The following ARFGEF3 variants were observed in gnomAD, a reference collection of about 807,000 sequenced individuals.
ARFGEF3 encodes brefeldin A-inhibited guanine nucleotide-exchange protein 3.
Under a neutral mutation model 221.7 loss-of-function variants are expected in ARFGEF3, and 96 were observed. The ratio of observed to expected loss-of-function variants is 0.43; its 90% CI spans 0.37 to 0.51. The LOEUF is 0.51. Ranked by LOEUF, ARFGEF3 falls within the 20% of genes least tolerant of loss-of-function variation. The probability of loss-of-function intolerance (pLI) is 0.00; values close to 1 mark genes in which losing one functional copy is unlikely to be tolerated. For missense variants in ARFGEF3, 2,410 were observed against 2,789.9 expected (o/e 0.86, Z 3.07); for synonymous variants, 1,145 against 1,126.8 (o/e 1.02, Z -0.32).
At position 138,251,605 on chromosome 6, in the gene ARFGEF3, G is replaced by A. The variant is rs146928781; in HGVS notation, c.666-2275G>A. 4.6e-5 allele frequency among the ~76,000 whole-genome samples: 7 copies of A among 152,124 alleles called. No individual in the cohort carries two copies. The East Asian group carries it at 7.8e-4, about 17-fold the overall frequency. ...GTGGCCTACAGGACCCTTCCTGATC[G>A]GGCCTCTGTCCACCTCTTGGGCTGA... On this transcript the variant is annotated intron_variant, in intron 8 of 33. Coordinates refer to ENST00000251691, the MANE Select transcript of ARFGEF3 (RefSeq NM_020340.5).
chr6:138,186,428 CT>C lies in ARFGEF3; in HGVS notation c.137+15717del, dbSNP rs532047286. ...TTCATGCACAAAATGGCTGTTGCAG[CT>C]TCAGATCTCACATCCCCATCCAGAA... On this transcript the variant is annotated intron_variant, in intron 2 of 33. Transcript: ENST00000251691. 1.7e-3 allele frequency among the ~76,000 whole-genome samples: 265 copies of C among 152,288 alleles called. 6 individuals are homozygous for C. The highest frequency in any genetic ancestry group is 0.015 in the Admixed American group (237 of 15,298).
chr6:138,273,134 G>A (rs1435966848), intron 12 of ARFGEF3, among the ~76,000 whole-genome samples: 2 of 151,946 alleles, frequency 1.3e-5, no homozygotes, highest in Admixed American at 6.6e-5. Flanking sequence ...GTGTGATCTC[G>A]CTTTGTGGTA....
chr6:138,180,878 T>C (rs1777065538), intron 2 of ARFGEF3, among the ~76,000 whole-genome samples: 1 of 152,208 alleles, frequency 6.6e-6, no homozygotes, highest in Non-Finnish European at 1.5e-5. Flanking sequence ...CGTTTAGCAG[T>C]GGAGGTTGCT....
chr6:138,207,384 T>A (rs1423406819), intron 3 of ARFGEF3, among the ~76,000 whole-genome samples: 1 of 152,206 alleles, frequency 6.6e-6, no homozygotes, highest in South Asian at 2.1e-4. Flanking sequence ...GATAGGGATT[T>A]TTTTTGTGTG....
At chr6:138,272,134 G>A (rs1365893843) in intron 12 of ARFGEF3, among the ~76,000 whole-genome samples, 1 of 108,308 alleles carries the variant, frequency 9.2e-6, no homozygotes, top group African/African-American at 4.8e-5. Context: ...TAGCATACTA[G>A]CAGATGCCAT....
intron 32 of ARFGEF3, among the ~76,000 whole-genome samples, chr6:138,331,208 T>G (rs1188130237): frequency 1.3e-5 from 2 of 152,224 alleles, no homozygotes; most frequent in Non-Finnish European, 2.9e-5. Context: ...ATAAATTTAC[T>G]TAGCACTTTT....
intron 2 of ARFGEF3, among the ~76,000 whole-genome samples, chr6:138,187,913 C>T (rs1197664643): frequency 2.6e-5 from 4 of 152,178 alleles, no homozygotes; most frequent in African/African-American, 4.8e-5. Context: ...TTAGGAACCT[C>T]TCCCAATTAT....
rs968280898 is a variant in ARFGEF3, at chr6:138,291,928, C to G, written c.3243C>G (p.Pro1081=). The G allele has an allele frequency of 6.6e-7, 1 of 1,506,108 alleles. No individual in the cohort carries two copies. Among genetic ancestry groups the G allele is most frequent in the Non-Finnish European group, 8.9e-7 (1 of 1,126,066 alleles). 93.3% of individuals were successfully genotyped at this position (1,506,108 alleles called of 1,614,324 possible). Reference sequence around the variant, plus strand: ...TGAGCACGGCCCCTGTCGTCCAGCCCCTGTCCATCCAGGACCTCGTCCGGG... The same window carrying G: ...TGAGCACGGCCCCTGTCGTCCAGCCGCTGTCCATCCAGGACCTCGTCCGGG... ...RSLSTAPVVQ[P]LSIQDLVREG... Residue 1081 remains proline, a synonymous_variant, in exon 19 of 34, where the codon CCC becomes CCG. Coordinates refer to ENST00000251691, the MANE Select transcript of ARFGEF3 (RefSeq NM_020340.5). The surrounding 1 kb of genome is among the most constrained non-coding windows in gnomAD (Gnocchi z 4.5).
chr6:138,220,997 G>A (rs1777973566), intron 4 of ARFGEF3, among the ~76,000 whole-genome samples: 2 of 152,212 alleles, frequency 1.3e-5, no homozygotes, highest in Admixed American at 1.3e-4. Context: ...AGTTCAGGCT[G>A]GGCTCGGCTG....
rs116707872 is a variant in ARFGEF3 at position 138,283,973 on chromosome 6, T to G, written c.2462-1973T>G. Among the ~76,000 whole-genome samples, 844 of 152,226 alleles carry G rather than the reference T, an allele frequency of 5.5e-3. 8 individuals are homozygous for G. Among genetic ancestry groups the G allele is most frequent in the African/African-American group, 0.019 (807 of 41,538 alleles). On this transcript the variant is annotated intron_variant, in intron 14 of 33. Coordinates refer to ENST00000251691, the MANE Select transcript of ARFGEF3 (RefSeq NM_020340.5). The stretch of plus-strand genomic sequence containing the variant: ...CAGTGGAACACCATGCAAATAAGTC[T>G]CATCCTCTTGGGGTGAGGGTGAAGT...
At chr6:138,293,281 A>G (rs1437525649) in intron 19 of ARFGEF3, among the ~76,000 whole-genome samples, 1 of 152,220 alleles carries the variant, frequency 6.6e-6, no homozygotes, top group East Asian at 1.9e-4. Context: ...CTCATAAAAC[A>G]GATATTTGAT....
chr6:138,335,016 G>C lies in ARFGEF3; in HGVS notation c.6170G>C (p.Arg2057Thr), dbSNP rs1191916237. The change falls in exon 33 of 34, where the codon AGG (arginine) becomes ACG (threonine). Residue 2057 changes from arginine (R) to threonine (T), a missense_variant. By Grantham distance (71) the Arg-to-Thr change is moderately conservative. Transcript: ENST00000251691. ...VEKKGEPLGP[R>T]GQDSPLLQRP... is the part of the protein sequence containing the mutation. ...AAGAAAGGAGAGCCACTGGGTCCCAGGGGCCAGGACTCCCCGCTGCTTCAG... is the reference window on the plus strand; with the variant it reads ...AAGAAAGGAGAGCCACTGGGTCCCACGGGCCAGGACTCCCCGCTGCTTCAG... The C allele has an allele frequency of 4.4e-6, 7 of 1,591,226 alleles. No homozygotes were observed. The highest frequency in any genetic ancestry group is 1.7e-4 in the Middle Eastern group (1 of 6,040).
Position 138,334,068 on chromosome 6 carries a change from C to T in ARFGEF3, c.5222C>T (p.Ser1741Phe). Residue 1741 changes from serine (S) to phenylalanine (F), a missense_variant, in exon 33 of 34, where the codon TCT (serine) becomes TTT (phenylalanine). Ser to Phe is a radical substitution (Grantham distance 155, BLOSUM62 -2). Transcript: ENST00000251691. The surrounding 1 kb of genome is among the most constrained non-coding windows in gnomAD (Gnocchi z 5.1). ...ILLEEFVKGP[S>F]PGEEKTIQVP... ...TTAGAAGAGTTTGTCAAAGGCCCCT[C>T]TCCTGGAGAGGAAAAGACGATACAA... 6.2e-7 allele frequency: 1 copy of T among 1,613,970 alleles called. No individual in the cohort carries two copies. The highest frequency in any genetic ancestry group is 8.5e-7 in the Non-Finnish European group (1 of 1,179,900).
At chr6:138,167,594 TG>T (rs1776746532) in intron 1 of ARFGEF3, among the ~76,000 whole-genome samples, 1 of 152,240 alleles carries the variant, frequency 6.6e-6, no homozygotes, top group African/African-American at 2.4e-5. Context: ...TTCTGTAATT[TG>T]CCATCTTACC....
chr6:138,324,852 A>G lies in ARFGEF3; in HGVS notation c.5001+698A>G, dbSNP rs1219582258. Among the ~76,000 whole-genome samples the G allele has an allele frequency of 2.0e-5, 3 of 152,256 alleles. No individual in the cohort carries two copies. The East Asian group carries it at 5.8e-4, about 29-fold the overall frequency. Reference sequence around the variant, plus strand: ...GTATCACGAGCTACAGATATACCCTAAGCTCTTAAGTGACATGGCAGTCTG... The same window carrying G: ...GTATCACGAGCTACAGATATACCCTGAGCTCTTAAGTGACATGGCAGTCTG... On this transcript the variant is annotated intron_variant, in intron 31 of 33. Transcript: ENST00000251691.
chr6:138,283,334 A>G (rs764870120), intron 14 of ARFGEF3, among the ~76,000 whole-genome samples: 3 of 152,244 alleles, frequency 2.0e-5, no homozygotes, highest in Non-Finnish European at 4.4e-5. Context: ...ATGAATAAGT[A>G]ACAGACTATT....
chr6:138,328,272 G>A, intron 32 of ARFGEF3, 130 bp downstream of exon 32: 1 of 1,160,124 alleles, frequency 8.6e-7, no homozygotes, highest in South Asian at 1.8e-5. Flanking sequence ...TTTAGCAAAG[G>A]TTTTCATAAA....
chr6:138,309,009 A>G, intron 24 of ARFGEF3, 148 bp downstream of exon 24: 1 of 866,294 alleles, frequency 1.2e-6, no homozygotes, highest in Non-Finnish European at 1.8e-6. Flanking sequence ...CTCAAAAGCA[A>G]AAACTTACTG....
At chr6:138,254,592 T>G (rs941083358) in intron 9 of ARFGEF3, among the ~76,000 whole-genome samples, 3 of 151,866 alleles carry the variant, frequency 2.0e-5, no homozygotes, top group Non-Finnish European at 2.9e-5. Context: ...TAGCTGGGCA[T>G]GGTGGCGGGT....
Sources: allele counts gnomAD v4.1 joint callset (sites outside exome capture counted in the v4.1 genomes callset), GRCh38; gene constraint gnomAD v4.1.1; non-coding constraint Gnocchi (gnomAD v3.1); transcripts MANE v1.5; gene names NCBI Gene and HGNC (gene_info 2026-07-23, HGNC 2026-07-21).